EYS: variants seen among roughly 807,000 people sequenced by gnomAD.
EYS encodes EGF-like photoreceptor maintenance factor, also known as protein eyes shut homolog.
A neutral mutation model predicts 282.1 loss-of-function variants in EYS; 250 were observed. That is an observed-to-expected ratio of 0.89 (90% CI 0.80 to 0.98). EYS has a LOEUF of 0.98. Among genes scored for constraint, EYS ranks in the 50% least tolerant of loss-of-function variants. The pLI is 0.00. For missense variants in EYS, 4,016 were observed against 3,709.0 expected, an observed-to-expected ratio of 1.08 and a Z score of -2.15; for synonymous variants, 1,355 against 1,282.9, an observed-to-expected ratio of 1.06 and a Z score of -1.20.
chr6:64,320,418 C>G lies in EYS; in HGVS notation c.6079-13336G>C, dbSNP rs575899721. Among the ~76,000 whole-genome samples the G allele has an allele frequency of 3.3e-5, 5 of 151,868 alleles. No homozygotes were observed. The South Asian group carries it at 1.0e-3, about 32-fold the overall frequency. ...TCTTTCTTTCAGCATAGTTTCTACT[C>G]CTGTCAAGTTTAATGGTCTTTTATT... On this transcript the variant is annotated intron_variant, in intron 29 of 42. Transcript: ENST00000503581.
intron 1 of EYS, among the ~76,000 whole-genome samples, chr6:65,651,573 C>T (rs9363413): frequency 0.05 from 7,613 of 152,036 alleles, 413 homozygotes; most frequent in East Asian, 0.3. Context: ...CATAAGACAT[C>T]ATTTCCCCTC....
intron 36 of EYS, among the ~76,000 whole-genome samples, chr6:63,863,663 C>CT (rs1436358110): frequency 1.8e-5 from 1 of 55,792 alleles, no homozygotes; most frequent in Non-Finnish European, 3.8e-5. Context: ...CTTTTCTTTT[C>CT]TTTTCTTTTT....
chr6:65,221,781 G>T (rs1766472757), intron 12 of EYS, among the ~76,000 whole-genome samples: 1 of 152,160 alleles, frequency 6.6e-6, no homozygotes, highest in Non-Finnish European at 1.5e-5. Context: ...GACACAAAAT[G>T]CCAGCCCATG....
At chr6:64,693,508 A>G (rs184319009) in intron 22 of EYS, among the ~76,000 whole-genome samples, 1 of 152,274 alleles carries the variant, frequency 6.6e-6, no homozygotes, top group African/African-American at 2.4e-5. Context: ...ATTGAGCATC[A>G]TTTACAGGGG....
At chr6:64,143,453 A>G (rs1340561430) in intron 31 of EYS, among the ~76,000 whole-genome samples, 1 of 152,106 alleles carries the variant, frequency 6.6e-6, no homozygotes. Flanking sequence ...GTACATAGGA[A>G]GAACTCTTTA....
intron 29 of EYS, among the ~76,000 whole-genome samples, chr6:64,325,106 A>G (rs979305547): frequency 6.6e-6 from 1 of 152,218 alleles, no homozygotes; most frequent in Admixed American, 6.5e-5. Flanking sequence ...GAAAAAAGCT[A>G]TTCTAAAAGA....
intron 12 of EYS, among the ~76,000 whole-genome samples, chr6:65,195,509 A>G (rs1288809116): frequency 6.6e-6 from 1 of 152,028 alleles, no homozygotes; most frequent in East Asian, 1.9e-4. Context: ...CCCTTCTTTA[A>G]AAAGAACTCA....
chr6:64,352,568 G>A (rs116375701), intron 29 of EYS, among the ~76,000 whole-genome samples: 2,619 of 151,406 alleles, frequency 0.017, 63 homozygotes, highest in African/African-American at 0.06. Context: ...CTGTCTTTTC[G>A]TCTTACCCTG....
intron 12 of EYS, among the ~76,000 whole-genome samples, chr6:65,182,348 T>G (rs1765409544): frequency 6.6e-6 from 1 of 151,586 alleles, no homozygotes; most frequent in African/African-American, 2.4e-5. Flanking sequence ...ATTTAAATCT[T>G]TATATTTTTC....
chr6:64,731,737 G>T (rs1179793644), intron 22 of EYS, among the ~76,000 whole-genome samples: 2 of 152,188 alleles, frequency 1.3e-5, no homozygotes, highest in Admixed American at 6.5e-5. Flanking sequence ...TTTAAATGTT[G>T]TGGAAGACAG....
chr6:65,119,212 C>A (rs1486624863), intron 12 of EYS, among the ~76,000 whole-genome samples: 1 of 152,164 alleles, frequency 6.6e-6, no homozygotes, highest in Non-Finnish European at 1.5e-5. Flanking sequence ...TGAGCCTCTG[C>A]CAGTGAATGC....
At chr6:63,953,435 C>T (rs1765682445) in intron 35 of EYS, among the ~76,000 whole-genome samples, 1 of 152,144 alleles carries the variant, frequency 6.6e-6, no homozygotes, top group Admixed American at 6.5e-5. Flanking sequence ...GTGTATCCCC[C>T]TCCAAAGCCC....
chr6:64,633,374 T>A (rs796554431), intron 22 of EYS, among the ~76,000 whole-genome samples: 14 of 152,248 alleles, frequency 9.2e-5, no homozygotes, highest in African/African-American at 3.4e-4. Context: ...AAACATTGCT[T>A]TATATATTGA....
chr6:64,264,788 C>T (rs1922948), intron 30 of EYS, among the ~76,000 whole-genome samples: 105,588 of 151,894 alleles, frequency 0.7, 36,729 homozygotes, highest in African/African-American at 0.72. Context: ...CCTCTATTCT[C>T]GTCTATTCAA....
intron 5 of EYS, among the ~76,000 whole-genome samples, chr6:65,423,450 C>T (rs933006863): frequency 1.3e-5 from 2 of 151,860 alleles, no homozygotes; most frequent in African/African-American, 4.8e-5. Context: ...AAATGTTAGC[C>T]AATGTCAGAA....
intron 14 of EYS, among the ~76,000 whole-genome samples, chr6:64,989,394 A>AATATATATATATAT (rs60684321): frequency 0.042 from 2,910 of 69,672 alleles, 607 homozygotes; most frequent in African/African-American, 0.098. Flanking sequence ...GGCTAGCTGT[A>AATATATATATATAT]ATATATATAT....
At chr6:63,890,701 C>A (rs1773385504) in intron 35 of EYS, among the ~76,000 whole-genome samples, 1 of 152,044 alleles carries the variant, frequency 6.6e-6, no homozygotes, top group Non-Finnish European at 1.5e-5. Flanking sequence ...GAAGCAAGAG[C>A]AAATATATTC....
At chr6:64,815,580 T>A (rs1386253885) in intron 21 of EYS, among the ~76,000 whole-genome samples, 1 of 152,094 alleles carries the variant, frequency 6.6e-6, no homozygotes, top group African/African-American at 2.4e-5. Flanking sequence ...TCTTTCCTGG[T>A]TTAAAAATTT....
chr6:65,112,404 C>T (rs375147389), intron 12 of EYS, among the ~76,000 whole-genome samples: 2 of 152,106 alleles, frequency 1.3e-5, no homozygotes, highest in South Asian at 2.1e-4. Flanking sequence ...CAACTTGCGA[C>T]CATGGCCTAA....
Sources: allele counts gnomAD v4.1 joint callset (sites outside exome capture counted in the v4.1 genomes callset), GRCh38; gene constraint gnomAD v4.1.1; transcripts MANE v1.5; gene names NCBI Gene and HGNC (gene_info 2026-07-23, HGNC 2026-07-21).